The following MTHFD2L variants were observed in gnomAD, a reference collection of about 807,000 sequenced individuals.
MTHFD2L encodes the protein bifunctional methylenetetrahydrofolate dehydrogenase/cyclohydrolase 2, mitochondrial.
Under a neutral mutation model 34.9 loss-of-function variants are expected in MTHFD2L, and 29 were observed. The observed-to-expected ratio is 0.83, with a 90% CI of 0.62 to 1.13. MTHFD2L has a LOEUF of 1.13. Among genes scored for constraint, MTHFD2L ranks in the 50% most tolerant of loss-of-function variants. MTHFD2L has a pLI of 0.00. For synonymous variants in MTHFD2L, 167 were observed against 155.7 expected (o/e 1.07, Z -0.54); for missense variants, 481 against 446.5 (o/e 1.08, Z -0.70).
At chr4:74,177,522 AT>A (rs1217011975) in intron 3 of MTHFD2L, among the ~76,000 whole-genome samples, 1 of 151,952 alleles carries the variant, frequency 6.6e-6, no homozygotes, top group Non-Finnish European at 1.5e-5. Context: ...AACTTCACTA[AT>A]TATCAGGGAA....
At chr4:74,126,353 G>T (rs1450484195) in intron 1 of MTHFD2L, among the ~76,000 whole-genome samples, 1 of 152,054 alleles carries the variant, frequency 6.6e-6, no homozygotes, top group Non-Finnish European at 1.5e-5. Flanking sequence ...ATTTCGGAAA[G>T]ATTAATAAAA....
intron 5 of MTHFD2L, among the ~76,000 whole-genome samples, chr4:74,208,394 C>G (rs1218733626): frequency 6.6e-6 from 1 of 152,046 alleles, no homozygotes; most frequent in Non-Finnish European, 1.5e-5. Flanking sequence ...GGAAATTATA[C>G]ATTATTATCA....
At chr4:74,255,296 G>A (rs1238812995) in intron 6 of MTHFD2L, among the ~76,000 whole-genome samples, 1 of 152,046 alleles carries the variant, frequency 6.6e-6, no homozygotes, top group Non-Finnish European at 1.5e-5. Flanking sequence ...CTTGAATACA[G>A]TTGTAACTGT....
rs527433442 is a variant in MTHFD2L, at chr4:74,302,056, A to G, written c.*247A>G. On this transcript the variant is annotated 3_prime_UTR_variant, in exon 8 of 8. Transcript: ENST00000325278. ...AGTAACAATTGTTTATTTTGAGGGT[A>G]TTTGTTCATAACATTAAAACAATAA... 115 of 322,640 alleles carry G rather than the reference A, an allele frequency of 3.6e-4. No individual in the cohort carries two copies. The highest frequency in any genetic ancestry group is 1.7e-3 in the Middle Eastern group (2 of 1,184). The allele number at this position is 322,640 out of a possible 1,614,324, so 20.0% of individuals were successfully genotyped here.
chr4:74,175,626 G>A (rs1728881738), intron 3 of MTHFD2L, among the ~76,000 whole-genome samples: 2 of 151,992 alleles, frequency 1.3e-5, no homozygotes, highest in Non-Finnish European at 2.9e-5. Flanking sequence ...TACACTCCTT[G>A]CTTTGCACAG....
intron 3 of MTHFD2L, among the ~76,000 whole-genome samples, chr4:74,184,429 G>T (rs1015026318): frequency 6.6e-5 from 10 of 152,042 alleles, no homozygotes; most frequent in African/African-American, 2.2e-4. Flanking sequence ...GGATAAAGAG[G>T]TCATTTCATA....
intron 1 of MTHFD2L, among the ~76,000 whole-genome samples, chr4:74,168,304 C>G (rs1469603345): frequency 6.6e-6 from 1 of 152,162 alleles, no homozygotes; most frequent in East Asian, 1.9e-4. Flanking sequence ...TGCTATTCCT[C>G]AAAGATTTCA....
intron 6 of MTHFD2L, among the ~76,000 whole-genome samples, chr4:74,274,588 C>T (rs1746380616): frequency 1.3e-5 from 2 of 152,160 alleles, no homozygotes; most frequent in African/African-American, 4.8e-5. Flanking sequence ...AATGCTGGTT[C>T]CCCAAAAATA....
intron 5 of MTHFD2L, among the ~76,000 whole-genome samples, chr4:74,206,647 A>G (rs1408937266): frequency 6.8e-6 from 1 of 147,412 alleles, no homozygotes; most frequent in Non-Finnish European, 1.5e-5. Context: ...GCCCAGTTAC[A>G]TTTTTTTTTT....
chr4:74,197,842 C>A (rs1416728504), intron 3 of MTHFD2L, among the ~76,000 whole-genome samples: 1 of 152,052 alleles, frequency 6.6e-6, no homozygotes, highest in Non-Finnish European at 1.5e-5. Flanking sequence ...CACATTATTG[C>A]TATATACTGT....
At chr4:74,290,639 A>T (rs1048264577) in intron 7 of MTHFD2L, among the ~76,000 whole-genome samples, 2 of 151,420 alleles carry the variant, frequency 1.3e-5, no homozygotes, top group African/African-American at 4.9e-5. Context: ...CTGGTGAAAG[A>T]CTGTGTGTGT....
intron 6 of MTHFD2L, among the ~76,000 whole-genome samples, chr4:74,263,637 T>G (rs1021818316): frequency 2.0e-5 from 3 of 151,978 alleles, no homozygotes; most frequent in Non-Finnish European, 4.4e-5. Context: ...TTGACTGGTG[T>G]TGTTATATAG....
At chr4:74,176,384 T>A (rs772467438) in intron 3 of MTHFD2L, among the ~76,000 whole-genome samples, 1 of 152,062 alleles carries the variant, frequency 6.6e-6, no homozygotes, top group African/African-American at 2.4e-5. Flanking sequence ...TTGTTTGCTG[T>A]TGTTCAGATC....
At chr4:74,267,602 G>A in intron 6 of MTHFD2L, 1 of 388,676 alleles carries the variant, frequency 2.6e-6, no homozygotes, top group South Asian at 1.1e-4. Flanking sequence ...TTGCTTGTTT[G>A]TTTGTTGCTG....
chr4:74,158,270 C>T lies in MTHFD2L; in HGVS notation c.132C>T (p.Ser44=), dbSNP rs1233255955. ...EPGSAFRGFR[S]SGVRHEAIII... is the part of the protein sequence containing the mutation. ...GGAGTGCGTTCCGGGGCTTTCGGAG[C>T]AGCGGTGTGAGGTACGAGGGCTGCG... Residue 44 remains serine, a synonymous_variant, in exon 1 of 8, where the codon AGC becomes AGT. Transcript: ENST00000325278. 7.0e-7 allele frequency: 1 copy of T among 1,436,186 alleles called. No individual in the cohort carries two copies. The highest frequency in any genetic ancestry group is 9.1e-7 in the Non-Finnish European group (1 of 1,097,048). The allele number at this position is 1,436,186 out of a possible 1,614,324, so 89.0% of individuals were successfully genotyped here. A position where few individuals can be genotyped will look rare whatever the true frequency, so the allele number is the denominator to read the frequency against.
intron 1 of MTHFD2L, among the ~76,000 whole-genome samples, chr4:74,163,283 T>C (rs1256828148): frequency 1.3e-5 from 2 of 152,238 alleles, no homozygotes; most frequent in African/African-American, 4.8e-5. Context: ...CATTTGATAA[T>C]ATTTCAGTAA....
At chr4:74,174,373 C>T in intron 1 of MTHFD2L, 133 bp from the exon 2 acceptor site, 2 of 546,698 alleles carry the variant, frequency 3.7e-6, no homozygotes, top group Non-Finnish European at 5.7e-6. Context: ...GTAGGTGTCA[C>T]TATAATTGAA....
At chr4:74,127,367 GT>G (rs896636719) in intron 1 of MTHFD2L, among the ~76,000 whole-genome samples, 1 of 152,104 alleles carries the variant, frequency 6.6e-6, no homozygotes, top group African/African-American at 2.4e-5. Context: ...TAACTGTATA[GT>G]TGTCCTCACT....
At chr4:74,251,080 C>G (rs1437926239) in intron 6 of MTHFD2L, among the ~76,000 whole-genome samples, 3 of 152,154 alleles carry the variant, frequency 2.0e-5, no homozygotes, top group East Asian at 3.8e-4. Flanking sequence ...AGAATAGAGT[C>G]CAATCTGAGT....
Sources: gnomAD v4.1 joint callset for allele counts (sites outside exome capture counted in the v4.1 genomes callset) on GRCh38, gnomAD v4.1.1 for gene constraint, MANE v1.5 for transcripts, NCBI Gene and HGNC (gene_info 2026-07-23, HGNC 2026-07-21) for gene names.